CDYL: variants seen among roughly 807,000 people sequenced by gnomAD.
The protein encoded by CDYL is chromodomain Y-like protein.
A neutral mutation model predicts 47.3 loss-of-function variants in CDYL; 8 were observed. The ratio of observed to expected loss-of-function variants is 0.17; its 90% confidence interval spans 0.10 to 0.31. The LOEUF is 0.31. Ranked by LOEUF, CDYL falls within the 10% of genes least tolerant of loss-of-function variation. The pLI is 1.00. For missense variants in CDYL, 471 were observed against 701.4 expected, an observed-to-expected ratio of 0.67 and a Z score of 3.71; for synonymous variants, 266 against 265.0, an observed-to-expected ratio of 1.00 and a Z score of -0.04.
intron 2 of CDYL, among the ~76,000 whole-genome samples, chr6:4,717,259 T>C (rs1757282091): frequency 6.6e-6 from 1 of 152,176 alleles, no homozygotes; most frequent in Non-Finnish European, 1.5e-5. Context: ...AATTCCCTAA[T>C]TCCTGTTCCG....
chr6:4,898,304 A>G (rs917658463), intron 2 of CDYL, among the ~76,000 whole-genome samples: 3 of 152,182 alleles, frequency 2.0e-5, no homozygotes, highest in Non-Finnish European at 4.4e-5. Context: ...ACAGCAGGAA[A>G]CCTCCACTTG....
At chr6:4,754,443 G>A (rs1758045295) in intron 3 of CDYL, among the ~76,000 whole-genome samples, 1 of 152,170 alleles carries the variant, frequency 6.6e-6, no homozygotes, top group Admixed American at 6.5e-5. Context: ...TTGATACATA[G>A]TTCTTGGACT....
intron 1 of CDYL, among the ~76,000 whole-genome samples, chr6:4,777,631 A>C (rs1758505868): frequency 6.6e-6 from 1 of 152,220 alleles, no homozygotes; most frequent in African/African-American, 2.4e-5. Context: ...TGTATTTATA[A>C]ATAAGTTCCT....
chr6:4,744,903 A>G (rs980773680), intron 3 of CDYL, among the ~76,000 whole-genome samples: 36 of 152,142 alleles, frequency 2.4e-4, no homozygotes, highest in African/African-American at 8.7e-4. Context: ...GCACTAGCCA[A>G]TCATTCATCA....
chr6:4,731,124 A>G (rs191664554), intron 2 of CDYL, among the ~76,000 whole-genome samples: 7 of 152,156 alleles, frequency 4.6e-5, no homozygotes, highest in African/African-American at 1.4e-4. Flanking sequence ...CCATTGCTTG[A>G]CTTCTCCTGT....
At chr6:4,914,520 C>T (rs1473514580) in intron 2 of CDYL, among the ~76,000 whole-genome samples, 1 of 152,222 alleles carries the variant, frequency 6.6e-6, no homozygotes, top group African/African-American at 2.4e-5. Flanking sequence ...ATGGCCCCAG[C>T]TTTCCTTGCA....
intron 1 of CDYL, among the ~76,000 whole-genome samples, chr6:4,862,708 T>C (rs753356908): frequency 1.3e-5 from 2 of 152,144 alleles, no homozygotes; most frequent in Non-Finnish European, 2.9e-5. Context: ...TTGTAATTCC[T>C]AGACTATTTC....
chr6:4,944,505 G>C (rs1338238332), intron 5 of CDYL, among the ~76,000 whole-genome samples: 1 of 152,214 alleles, frequency 6.6e-6, no homozygotes, highest in Non-Finnish European at 1.5e-5. Flanking sequence ...GTGGCCGTCT[G>C]CTAACAGCAG....
intron 1 of CDYL, among the ~76,000 whole-genome samples, chr6:4,837,309 A>G (rs1760345860): frequency 1.3e-5 from 2 of 152,030 alleles, no homozygotes. Flanking sequence ...ATCTTTTGGA[A>G]TTTTTTTTGA....
chr6:4,737,663 A>G (rs904436734), intron 3 of CDYL, among the ~76,000 whole-genome samples: 7 of 150,088 alleles, frequency 4.7e-5, no homozygotes, highest in Non-Finnish European at 7.4e-5. Context: ...AGTAGGGGGG[A>G]CTACAGGCAT....
At chr6:4,793,854 AG>A (rs1240707458) in intron 1 of CDYL, among the ~76,000 whole-genome samples, 1 of 152,174 alleles carries the variant, frequency 6.6e-6, no homozygotes, top group Admixed American at 6.5e-5. Context: ...TTTGGGGTTG[AG>A]TAACTAGAGT....
At chr6:4,860,197 A>G (rs1761124620) in intron 1 of CDYL, among the ~76,000 whole-genome samples, 1 of 152,132 alleles carries the variant, frequency 6.6e-6, no homozygotes. Context: ...CACCACGCCC[A>G]GCCAGTTCAT....
chr6:4,890,445 C>A (rs906887161), intron 1 of CDYL, among the ~76,000 whole-genome samples: 1 of 152,170 alleles, frequency 6.6e-6, no homozygotes, highest in Non-Finnish European at 1.5e-5. Flanking sequence ...CTGTGATGAG[C>A]TAAGGTCTTG....
At chr6:4,947,384 G>A (rs1356022139) in intron 5 of CDYL, among the ~76,000 whole-genome samples, 1 of 152,172 alleles carries the variant, frequency 6.6e-6, no homozygotes, top group Non-Finnish European at 1.5e-5. Context: ...CTCACAAGCT[G>A]ACAGACCCTC....
At chr6:4,814,060 T>A (rs2127445506) in intron 1 of CDYL, among the ~76,000 whole-genome samples, 1 of 152,004 alleles carries the variant, frequency 6.6e-6, no homozygotes, top group Non-Finnish European at 1.5e-5. Context: ...GATTACAGGA[T>A]AAGCCACTGC....
At chr6:4,946,915 G>A (rs1758539139) in intron 5 of CDYL, among the ~76,000 whole-genome samples, 1 of 152,102 alleles carries the variant, frequency 6.6e-6, no homozygotes, top group African/African-American at 2.4e-5. Flanking sequence ...ACTCAGCAGG[G>A]CCCCCACCTC....
upstream of CDYL, among the ~76,000 whole-genome samples, chr6:4,772,786 AAACTG>A (rs1402660910): frequency 6.6e-6 from 1 of 152,224 alleles, no homozygotes; most frequent in African/African-American, 2.4e-5. Context: ...TGGGGGTACA[AAACTG>A]TTGAAGGGAA....
At chr6:4,807,466 C>G (rs1759401961) in intron 1 of CDYL, among the ~76,000 whole-genome samples, 2 of 152,086 alleles carry the variant, frequency 1.3e-5, no homozygotes. Context: ...ATTCCATTGG[C>G]CTGCAGCAGT....
intron 1 of CDYL, among the ~76,000 whole-genome samples, chr6:4,841,982 A>G (rs1760504688): frequency 6.9e-6 from 1 of 145,822 alleles, no homozygotes; most frequent in African/African-American, 2.5e-5. Flanking sequence ...TAATATTAAT[A>G]ATAAATTATT....
Sources: gnomAD v4.1 joint callset for allele counts (sites outside exome capture counted in the v4.1 genomes callset) on GRCh38, gnomAD v4.1.1 for gene constraint, MANE v1.5 for transcripts, NCBI Gene and HGNC (gene_info 2026-07-23, HGNC 2026-07-21) for gene names.